Variants in TPST1 observed in about 807,000 individuals in gnomAD.
TPST1 encodes protein-tyrosine sulfotransferase 1.
TPST1 carries 20 observed loss-of-function variants against 34.8 expected under a neutral mutation model. The ratio of observed to expected loss-of-function variants is 0.57; its 90% CI spans 0.40 to 0.84. The LOEUF (loss-of-function observed/expected upper bound fraction) is 0.84, where lower values mean the gene tolerates loss of function less well. TPST1 is among the 40% of genes least tolerant of loss of function. The pLI, the probability that TPST1 is intolerant of heterozygous loss-of-function variation, is 0.00. For synonymous variants in TPST1, 152 were observed against 159.4 expected (o/e 0.95, Z 0.35); for missense variants, 353 against 455.5 (o/e 0.78, Z 2.05).
chr7:66,304,061 T>C (rs1444740071), intron 3 of TPST1, among the ~76,000 whole-genome samples: 1 of 152,118 alleles, frequency 6.6e-6, no homozygotes, highest in East Asian at 1.9e-4. Context: ...CTGTTAAGTG[T>C]TATAGGAGTG....
intron 2 of TPST1, among the ~76,000 whole-genome samples, chr7:66,254,963 T>C (rs891783357): frequency 6.6e-6 from 1 of 151,310 alleles, no homozygotes; most frequent in South Asian, 2.1e-4. Context: ...CTGGCTAACA[T>C]GGTGAAACCC....
intron 3 of TPST1, among the ~76,000 whole-genome samples, chr7:66,324,800 CAAAAAAAAAAAAAAAAAA>C (rs56389964): frequency 6.4e-5 from 7 of 109,270 alleles, no homozygotes; most frequent in African/African-American, 2.4e-4. Flanking sequence ...GACTCTGTCT[CAAAAAAAAAAAAAAAAAA>C]AAAAAAAAAA....
intron 2 of TPST1, among the ~76,000 whole-genome samples, chr7:66,255,667 G>A (rs1299847909): frequency 6.6e-6 from 1 of 152,026 alleles, no homozygotes; most frequent in African/African-American, 2.4e-5. Context: ...GATCTCCAAG[G>A]CTAAAACTAT....
chr7:66,347,453 T>C (rs1000429259), intron 3 of TPST1, among the ~76,000 whole-genome samples: 2 of 152,214 alleles, frequency 1.3e-5, no homozygotes, highest in African/African-American at 4.8e-5. Context: ...CCAATGTATG[T>C]TCTTGGCACA....
At chr7:66,310,803 GTATTTATTTATTTA>G (rs1261400258) in intron 3 of TPST1, among the ~76,000 whole-genome samples, 1 of 147,056 alleles carries the variant, frequency 6.8e-6, no homozygotes, top group Non-Finnish European at 1.5e-5. Context: ...AATTTGAAGA[GTATTTATTTATTTA>G]TTTATTTATT....
At chr7:66,259,640 CT>C (rs1455128639) in intron 2 of TPST1, among the ~76,000 whole-genome samples, 1 of 151,990 alleles carries the variant, frequency 6.6e-6, no homozygotes, top group Non-Finnish European at 1.5e-5. Flanking sequence ...TCATGGCAAA[CT>C]TGAACAGAAA....
At chr7:66,265,330 T>C (rs182896961) in intron 2 of TPST1, among the ~76,000 whole-genome samples, 1 of 152,166 alleles carries the variant, frequency 6.6e-6, no homozygotes, top group Admixed American at 6.5e-5. Flanking sequence ...CAGGCAGGTC[T>C]CTTGAGCCCA....
At chr7:66,277,453 C>T (rs1020106378) in intron 2 of TPST1, among the ~76,000 whole-genome samples, 2 of 152,082 alleles carry the variant, frequency 1.3e-5, no homozygotes, top group African/African-American at 2.4e-5. Flanking sequence ...GTTGTCTCCA[C>T]GAACTTGTAT....
chr7:66,340,410 G>T (rs1792213293), intron 3 of TPST1, among the ~76,000 whole-genome samples: 1 of 152,162 alleles, frequency 6.6e-6, no homozygotes, highest in African/African-American at 2.4e-5. Flanking sequence ...GCAAGAGAAA[G>T]AAATAAAGGG....
intron 2 of TPST1, among the ~76,000 whole-genome samples, chr7:66,275,790 C>A (rs1790797107): frequency 6.6e-6 from 1 of 151,970 alleles, no homozygotes; most frequent in African/African-American, 2.4e-5. Context: ...AAAATAAGTT[C>A]AAGAGATGTA....
chr7:66,308,535 GCTCACACCATT>G (rs773217999), intron 3 of TPST1, among the ~76,000 whole-genome samples: 9 of 152,100 alleles, frequency 5.9e-5, no homozygotes, highest in Non-Finnish European at 1.0e-4. Flanking sequence ...GATCTCTACA[GCTCACACCATT>G]CTCTTTTCCT....
At chr7:66,334,472 C>T (rs536226022) in intron 3 of TPST1, among the ~76,000 whole-genome samples, 1 of 151,824 alleles carries the variant, frequency 6.6e-6, no homozygotes, top group African/African-American at 2.4e-5. Context: ...GCCGTCTCTA[C>T]TAAAAATACA....
At chr7:66,344,928 G>A (rs1049717078) in intron 3 of TPST1, among the ~76,000 whole-genome samples, 1 of 144,592 alleles carries the variant, frequency 6.9e-6, no homozygotes, top group Non-Finnish European at 1.5e-5. Flanking sequence ...GTTTCACCAT[G>A]TTAGCCGGGA....
chr7:66,199,819 T>A, the TPST1 span, among the ~76,000 whole-genome samples: 1 of 151,474 alleles, frequency 6.6e-6, no homozygotes, highest in South Asian at 2.1e-4. Flanking sequence ...GTTCAAGGAA[T>A]CTGACTGCCT....
At chr7:66,245,646 T>C (rs1428178357) in intron 2 of TPST1, among the ~76,000 whole-genome samples, 1 of 152,240 alleles carries the variant, frequency 6.6e-6, no homozygotes, top group Non-Finnish European at 1.5e-5. Context: ...TTTGTCAGTT[T>C]GGAAACTTAA....
intron 3 of TPST1, among the ~76,000 whole-genome samples, chr7:66,310,803 G>GTGTTTATT (rs148233402): frequency 6.8e-6 from 1 of 147,056 alleles, no homozygotes; most frequent in Non-Finnish European, 1.5e-5. Flanking sequence ...AATTTGAAGA[G>GTGTTTATT]TATTTATTTA....
rs1314199061 is a variant in TPST1, at chr7:66,253,241, G to T, written c.845+11971G>T. Among the ~76,000 whole-genome samples the T allele has an allele frequency of 2.6e-5, 4 of 152,106 alleles. No homozygotes were observed. In the East Asian group the frequency reaches 7.7e-4, roughly 29 times the overall value. On this transcript the variant is annotated intron_variant, in intron 2 of 5. Coordinates refer to ENST00000304842, the MANE Select transcript of TPST1 (RefSeq NM_003596.4). ...CTGTGCCATTTTATATGAGAGATTT[G>T]GGCATCTGTGGATTTTGGCATTTGT...
chr7:66,258,734 T>TA (rs1233353030), intron 2 of TPST1, among the ~76,000 whole-genome samples: 1 of 152,216 alleles, frequency 6.6e-6, no homozygotes, highest in Non-Finnish European at 1.5e-5. Flanking sequence ...GAAAAAGTGT[T>TA]AAAAATAATG....
At chr7:66,358,706 T>TGTTA (rs200589809) in intron 5 of TPST1, among the ~76,000 whole-genome samples, 2,224 of 152,342 alleles carry the variant, frequency 0.015, 57 homozygotes, top group East Asian at 0.092. Flanking sequence ...AAATGCTGAA[T>TGTTA]GTTAGTCTTA....
Sources: allele counts gnomAD v4.1 joint callset (sites outside exome capture counted in the v4.1 genomes callset), GRCh38; gene constraint gnomAD v4.1.1; transcripts MANE v1.5; gene names NCBI Gene and HGNC (gene_info 2026-07-23, HGNC 2026-07-21).